Variants in EYS observed in about 807,000 individuals in gnomAD.
The protein encoded by EYS is EGF-like photoreceptor maintenance factor.
Under a neutral mutation model 282.1 loss-of-function variants are expected in EYS, and 250 were observed. That is an observed-to-expected ratio of 0.89 (90% CI 0.80 to 0.98). The LOEUF (loss-of-function observed/expected upper bound fraction) is 0.98. Among genes scored for constraint, EYS ranks in the 50% least tolerant of loss-of-function variants. The pLI, the probability that EYS is intolerant of heterozygous loss-of-function variation, is 0.00. For synonymous variants in EYS, 1,355 were observed against 1,282.9 expected (o/e 1.06, Z -1.20); for missense variants, 4,016 against 3,709.0 (o/e 1.08, Z -2.15).
At chr6:64,085,315 CGCGCGCGCGTGCGCACGT>C (rs1289189729) in intron 31 of EYS, among the ~76,000 whole-genome samples, 4 of 137,818 alleles carry the variant, frequency 2.9e-5, no homozygotes, top group Non-Finnish European at 3.0e-5. Context: ...TCCTTCCAGA[CGCGCGCGCGTGCGCACGT>C]GCGCGCGCAC....
intron 12 of EYS, among the ~76,000 whole-genome samples, chr6:65,236,386 T>C (rs1048700448): frequency 1.3e-5 from 2 of 152,008 alleles, no homozygotes; most frequent in African/African-American, 4.8e-5. Context: ...CCAAGGCAGG[T>C]GGATCACGAG....
In EYS at chr6:65,353,560, G is replaced by C; in HGVS notation, c.1357C>G (p.Leu453Val). Residue 453 changes from leucine to valine, a missense_variant, in exon 9 of 43, where the codon CTA becomes GTA. By Grantham distance (32) the Leu-to-Val change is conservative. Coordinates refer to ENST00000503581, the MANE Select transcript of EYS (RefSeq NM_001142800.2). ...CAGTAGCAGAGGTGTTGATGAATTA[G>C]GTAAACATTCTTCAAAAACCAACAT... ...NPCWFLKNVY[L>V]IHQHLCYCGV... The C allele has an allele frequency of 6.2e-7, 1 of 1,612,820 alleles. No individual in the cohort carries two copies. Among genetic ancestry groups the C allele is most frequent in the African/African-American group, 1.3e-5 (1 of 74,944 alleles).
intron 26 of EYS, among the ~76,000 whole-genome samples, chr6:64,578,254 A>C (rs1765945058): frequency 6.6e-6 from 1 of 152,028 alleles, no homozygotes; most frequent in South Asian, 2.1e-4. Flanking sequence ...AAATTGCCTA[A>C]AATTATCAGA....
intron 33 of EYS, among the ~76,000 whole-genome samples, chr6:64,008,223 T>C (rs377737000): frequency 6.6e-6 from 1 of 152,220 alleles, no homozygotes; most frequent in East Asian, 1.9e-4. Context: ...TTTACCATTA[T>C]GTAATAAGTT....
At chr6:64,506,694 C>T (rs897904547) in intron 26 of EYS, among the ~76,000 whole-genome samples, 1 of 151,980 alleles carries the variant, frequency 6.6e-6, no homozygotes. Context: ...AGGCGTATCA[C>T]GAGGTCAGGA....
At chr6:65,016,239 A>C (rs1004743309) in intron 13 of EYS, among the ~76,000 whole-genome samples, 2 of 151,924 alleles carry the variant, frequency 1.3e-5, no homozygotes, top group Admixed American at 6.6e-5. Flanking sequence ...CCTCTAATTG[A>C]AATTTGCATC....
At chr6:64,792,635 G>C (rs1346814881) in intron 22 of EYS, among the ~76,000 whole-genome samples, 1 of 151,968 alleles carries the variant, frequency 6.6e-6, no homozygotes, top group African/African-American at 2.4e-5. Context: ...CCAAAGCACA[G>C]GGAAATTCAA....
At chr6:64,009,855 T>A (rs990710319) in intron 33 of EYS, among the ~76,000 whole-genome samples, 2 of 152,196 alleles carry the variant, frequency 1.3e-5, no homozygotes, top group Non-Finnish European at 2.9e-5. Context: ...TCTATATGGG[T>A]TGATATTCTT....
chr6:63,979,373 A>G (rs887305184), intron 35 of EYS, among the ~76,000 whole-genome samples: 7 of 151,944 alleles, frequency 4.6e-5, no homozygotes, highest in African/African-American at 1.7e-4. Context: ...GATGAATAAA[A>G]GCTATGAGAA....
chr6:65,185,673 G>C (rs1260636591), intron 12 of EYS, among the ~76,000 whole-genome samples: 1 of 151,720 alleles, frequency 6.6e-6, no homozygotes, highest in African/African-American at 2.4e-5. Context: ...ATATTTCTAA[G>C]CTATGTGTTC....
At chr6:65,393,102 C>T (rs895822356) in intron 7 of EYS, among the ~76,000 whole-genome samples, 6 of 149,396 alleles carry the variant, frequency 4.0e-5, no homozygotes, top group African/African-American at 1.5e-4. Context: ...TGTTCTCACT[C>T]ATAGGTGGGA....
intron 29 of EYS, among the ~76,000 whole-genome samples, chr6:64,332,906 T>A (rs1052108121): frequency 6.6e-6 from 1 of 152,218 alleles, no homozygotes; most frequent in Admixed American, 6.5e-5. Context: ...CCAAGCTTGT[T>A]GCCCAGAAGG....
At chr6:65,506,965 G>A (rs531590374) in intron 2 of EYS, among the ~76,000 whole-genome samples, 1 of 152,080 alleles carries the variant, frequency 6.6e-6, no homozygotes, top group African/African-American at 2.4e-5. Flanking sequence ...TTACTTTGAA[G>A]TTATTTCTAT....
chr6:64,340,968 CATT>C (rs374198721), intron 29 of EYS, among the ~76,000 whole-genome samples: 3 of 151,828 alleles, frequency 2.0e-5, no homozygotes, highest in African/African-American at 7.2e-5. Flanking sequence ...AAAAAATGCT[CATT>C]GTCACTAATC....
intron 2 of EYS, among the ~76,000 whole-genome samples, chr6:65,525,933 C>G (rs1289086145): frequency 6.6e-6 from 1 of 152,168 alleles, no homozygotes; most frequent in African/African-American, 2.4e-5. Flanking sequence ...GGCAGTGAGT[C>G]TGGAGTGTTT....
At chr6:64,393,928 G>C (rs1773258213) in intron 28 of EYS, among the ~76,000 whole-genome samples, 2 of 151,872 alleles carry the variant, frequency 1.3e-5, no homozygotes, top group Admixed American at 6.6e-5. Flanking sequence ...AGCAACTTCA[G>C]CAAAGTCTCA....
At chr6:64,110,325 C>G (rs1162497628) in intron 31 of EYS, among the ~76,000 whole-genome samples, 1 of 151,946 alleles carries the variant, frequency 6.6e-6, no homozygotes, top group Non-Finnish European at 1.5e-5. Flanking sequence ...CTTAGACATA[C>G]TCTCAGATTA....
At chr6:64,851,492 T>C (rs139967103) in intron 19 of EYS, among the ~76,000 whole-genome samples, 172 of 152,222 alleles carry the variant, frequency 1.1e-3, no homozygotes, top group Middle Eastern at 0.01. Context: ...TTGGGACTTA[T>C]TGATTTGATG....
intron 22 of EYS, among the ~76,000 whole-genome samples, chr6:64,774,121 T>C (rs1773608201): frequency 1.3e-5 from 2 of 152,060 alleles, no homozygotes; most frequent in East Asian, 3.9e-4. Flanking sequence ...CATTTTGTTT[T>C]ATAAAAATAC....
Sources: allele counts gnomAD v4.1 joint callset (sites outside exome capture counted in the v4.1 genomes callset), GRCh38; gene constraint gnomAD v4.1.1; transcripts MANE v1.5; gene names NCBI Gene and HGNC (gene_info 2026-07-23, HGNC 2026-07-21).